The following ITPKB variants were observed in gnomAD, a reference collection of about 807,000 sequenced individuals.
ITPKB encodes IP3 3-kinase B.
A neutral mutation model predicts 69.4 loss-of-function variants in ITPKB; 13 were observed. The observed-to-expected ratio is 0.19, with a 90% CI of 0.12 to 0.30. The LOEUF (loss-of-function observed/expected upper bound fraction) is 0.30. ITPKB is among the 10% of genes least tolerant of loss of function. The pLI is 1.00. For missense variants in ITPKB, 1,240 were observed against 1,250.5 expected (o/e 0.99, Z 0.13); for synonymous variants, 584 against 513.7 (o/e 1.14, Z -1.85).
At chr1:226,705,319 C>T (rs1377091303) in intron 2 of ITPKB, among the ~76,000 whole-genome samples, 7 of 148,650 alleles carry the variant, frequency 4.7e-5, no homozygotes, top group African/African-American at 1.2e-4. Flanking sequence ...CACCTGAGGT[C>T]GGGAGTTCGA....
intron 2 of ITPKB, among the ~76,000 whole-genome samples, chr1:226,678,424 T>C (rs1176460152): frequency 6.6e-6 from 1 of 152,222 alleles, no homozygotes; most frequent in East Asian, 1.9e-4. Flanking sequence ...AATAGAGTGC[T>C]GCCACTGAGG....
chr1:226,691,263 C>T (rs1656343005), intron 2 of ITPKB, among the ~76,000 whole-genome samples: 1 of 151,428 alleles, frequency 6.6e-6, no homozygotes. Flanking sequence ...TCTGTTTTTT[C>T]TCTTTGGAAA....
intron 2 of ITPKB, among the ~76,000 whole-genome samples, chr1:226,664,019 C>T (rs1005415057): frequency 5.3e-5 from 8 of 152,216 alleles, no homozygotes; most frequent in Non-Finnish European, 8.8e-5. Context: ...GCATCGACAT[C>T]CGTAGAGGCT....
At chr1:226,720,313 C>T (rs1311845160) in intron 2 of ITPKB, among the ~76,000 whole-genome samples, 1 of 152,192 alleles carries the variant, frequency 6.6e-6, no homozygotes, top group Non-Finnish European at 1.5e-5. Flanking sequence ...CCCATTGCTC[C>T]ACCCATCCAC....
At chr1:226,732,151 A>G (rs1337084661) in intron 2 of ITPKB, among the ~76,000 whole-genome samples, 1 of 150,642 alleles carries the variant, frequency 6.6e-6, no homozygotes, top group East Asian at 1.9e-4. Flanking sequence ...AATGGCCTTT[A>G]AAAAACAGTA....
Position 226,640,786 on chromosome 1 carries a change from G to C in ITPKB, c.2452-1128C>G, listed in dbSNP as rs530385127. 8.5e-5 allele frequency among the ~76,000 whole-genome samples: 13 copies of C among 152,264 alleles called. No individual in the cohort carries two copies. In the South Asian group the frequency reaches 2.7e-3, roughly 32 times the overall value. On this transcript the variant is annotated intron_variant, in intron 5 of 7. Transcript: ENST00000429204. ...GGCTGGTTTCAAAAGACAAAGAAGGGGGCAAATGCCTTTCTCAGCCCAGAG... is the reference window on the plus strand; with the variant it reads ...GGCTGGTTTCAAAAGACAAAGAAGGCGGCAAATGCCTTTCTCAGCCCAGAG...
chr1:226,638,012 C>G (rs1053438156), intron 6 of ITPKB, among the ~76,000 whole-genome samples: 18 of 152,238 alleles, frequency 1.2e-4, no homozygotes, highest in Admixed American at 7.2e-4. Flanking sequence ...CCCTATAAAC[C>G]CATGTCAAGC....
intron 2 of ITPKB, among the ~76,000 whole-genome samples, chr1:226,714,065 A>G (rs910560903): frequency 5.9e-5 from 9 of 152,206 alleles, no homozygotes; most frequent in African/African-American, 2.2e-4. Flanking sequence ...GTGCTTGAAC[A>G]TTTCAGGTAT....
chr1:226,715,366 T>C (rs1657069867), intron 2 of ITPKB, among the ~76,000 whole-genome samples: 3 of 152,240 alleles, frequency 2.0e-5, no homozygotes, highest in Admixed American at 2.0e-4. Context: ...TGCATTCTCT[T>C]TAGCAAAACC....
At chr1:226,652,418 T>C (rs1289083640) in intron 2 of ITPKB, among the ~76,000 whole-genome samples, 1 of 152,158 alleles carries the variant, frequency 6.6e-6, no homozygotes, top group African/African-American at 2.4e-5. Flanking sequence ...ACTCCAGGCC[T>C]CATCCCCCAG....
chr1:226,656,663 A>T (rs2102753123), intron 2 of ITPKB: 1 of 152,358 alleles, frequency 6.6e-6, no homozygotes, highest in Non-Finnish European at 1.5e-5. Flanking sequence ...AAGATTTTAA[A>T]AGGCAGCCCA....
intron 2 of ITPKB, among the ~76,000 whole-genome samples, chr1:226,716,676 C>T (rs529632673): frequency 2.0e-5 from 3 of 152,280 alleles, no homozygotes; most frequent in Non-Finnish European, 2.9e-5. Flanking sequence ...CGTACCAAAA[C>T]GGAAAAATAT....
At chr1:226,636,753 T>TGTGTGC (rs1668846790) in intron 7 of ITPKB, among the ~76,000 whole-genome samples, 1 of 15,126 alleles carries the variant, frequency 6.6e-5, no homozygotes, top group Admixed American at 9.3e-4. Context: ...ACTGCAGCTC[T>TGTGTGC]GTGTGTGTGT....
rs558804067 is a variant in ITPKB, at chr1:226,658,583, C to A, written c.1933-9812G>T. Among the ~76,000 whole-genome samples the A allele has an allele frequency of 1.1e-4, 17 of 152,222 alleles. No individual in the cohort carries two copies. In the South Asian group the frequency reaches 2.7e-3, roughly 24 times the overall value. Reference sequence around the variant, plus strand: ...TCCCCCTTTAACAAACAAGAAAATCCCCCTAAATGCCAAATGCAAAAGCAC... The same window carrying A: ...TCCCCCTTTAACAAACAAGAAAATCACCCTAAATGCCAAATGCAAAAGCAC... On this transcript the variant is annotated intron_variant, in intron 2 of 7. Transcript: ENST00000429204.
rs999332082 is a variant in ITPKB at position 226,648,714 on chromosome 1, A to G, written c.1990T>C (p.Phe664Leu). The G allele has an allele frequency of 1.9e-6, 3 of 1,613,380 alleles. No homozygotes were observed. The East Asian group carries it at 6.7e-5, about 36-fold the overall frequency. The change falls in exon 3 of 8, where the codon TTC (phenylalanine) becomes CTC (leucine). Residue 664 changes from phenylalanine (F) to leucine (L), a missense_variant. Physicochemically the swap from Phe to Leu is conservative, Grantham distance 22. This residue lies in a region of ITPKB where 248 missense variants were observed against 396.7 expected (regional missense o/e 0.63). Transcript: ENST00000429204. ...MVHWSPFVMSFKKKYPWIQLA... is the reference protein window; with the variant it reads ...MVHWSPFVMSLKKKYPWIQLA... ...TGGATCCAGGGGTACTTCTTCTTGA[A>G]GGACATGACGAAGGGAGACCAGTGC...
At position 226,641,583 on chromosome 1, in the gene ITPKB, T is replaced by C. The variant is rs1288935; in HGVS notation, c.2451+338A>G. Among the ~76,000 whole-genome samples, 1,318 of 152,342 alleles carry C rather than the reference T, an allele frequency of 8.7e-3. 20 individuals are homozygous for C. Among genetic ancestry groups the C allele is most frequent in the African/African-American group, 0.029 (1,226 of 41,578 alleles). On this transcript the variant is annotated intron_variant, in intron 5 of 7. Transcript: ENST00000429204. This position sits in a 1 kb window ranked among gnomAD's most constrained non-coding sequence, Gnocchi z 4.6. ...GTCTGCCAGTCCCAGTTTGCAGCCA[T>C]GGCAGAATGAACCAGCTACCCCACA...
At chr1:226,651,266 C>CGAGG (rs1669187135) in intron 2 of ITPKB, among the ~76,000 whole-genome samples, 1 of 152,188 alleles carries the variant, frequency 6.6e-6, no homozygotes, top group Admixed American at 6.5e-5. Context: ...GGTGAGCAGG[C>CGAGG]GAGGCCTCGG....
At chr1:226,711,259 A>G (rs969122088) in intron 2 of ITPKB, among the ~76,000 whole-genome samples, 1 of 152,126 alleles carries the variant, frequency 6.6e-6, no homozygotes, top group Non-Finnish European at 1.5e-5. Context: ...TCAGCCTAAC[A>G]TCCTCTACCT....
At chr1:226,720,284 A>G (rs1400793442) in intron 2 of ITPKB, among the ~76,000 whole-genome samples, 2 of 152,164 alleles carry the variant, frequency 1.3e-5, no homozygotes, top group African/African-American at 2.4e-5. Context: ...GCCACCTCCC[A>G]GGGCTGTGGT....
Sources: allele counts gnomAD v4.1 joint callset (sites outside exome capture counted in the v4.1 genomes callset), GRCh38; gene constraint gnomAD v4.1.1; regional missense constraint gnomAD v4.1.1; non-coding constraint Gnocchi (gnomAD v3.1); transcripts MANE v1.5; gene names NCBI Gene and HGNC (gene_info 2026-07-23, HGNC 2026-07-21).